The following IMMP2L variants were observed in gnomAD, a reference collection of about 807,000 sequenced individuals.
The protein encoded by IMMP2L is inner mitochondrial membrane peptidase subunit 2.
IMMP2L carries 18 observed loss-of-function variants against 19.3 expected under a neutral mutation model. That is an observed-to-expected ratio of 0.93 (90% CI 0.64 to 1.38). IMMP2L has a LOEUF of 1.38. Ranked by LOEUF, IMMP2L falls within the 40% of genes most tolerant of loss-of-function variation. IMMP2L has a pLI of 0.00. For missense variants in IMMP2L, 233 were observed against 218.2 expected, an observed-to-expected ratio of 1.07 and a Z score of -0.43; for synonymous variants, 76 against 73.0, an observed-to-expected ratio of 1.04 and a Z score of -0.21.
At chr7:111,182,288 T>C (rs1386656028) in intron 3 of IMMP2L, among the ~76,000 whole-genome samples, 1 of 151,954 alleles carries the variant, frequency 6.6e-6, no homozygotes, top group East Asian at 1.9e-4. Flanking sequence ...ACTAAATCCA[T>C]AGCTTGTTTT....
chr7:110,765,147 G>A (rs1197198172), intron 5 of IMMP2L, among the ~76,000 whole-genome samples: 2 of 152,116 alleles, frequency 1.3e-5, no homozygotes, highest in Admixed American at 1.3e-4. Flanking sequence ...AAGATATCTT[G>A]TAGATTTGAA....
intron 3 of IMMP2L, among the ~76,000 whole-genome samples, chr7:111,176,912 T>C (rs1273665037): frequency 6.6e-6 from 1 of 152,032 alleles, no homozygotes. Flanking sequence ...CTACATGTAG[T>C]ATAAGAAAGA....
intron 3 of IMMP2L, among the ~76,000 whole-genome samples, chr7:111,272,939 T>G (rs1448277269): frequency 6.6e-6 from 1 of 151,490 alleles, no homozygotes; most frequent in East Asian, 1.9e-4. Flanking sequence ...GACAATGGAG[T>G]CTTGATAGAG....
rs991096594 is a variant in IMMP2L, at chr7:111,164,474, G to C, written c.240-200909C>G. The stretch of plus-strand genomic sequence containing the variant: ...TTGTGAGGAAGCACTGGGTCACTAG[G>C]GAAGTCACCATAAGCTCAGAGATTG... On this transcript the variant is annotated intron_variant, in intron 3 of 5. Transcript: ENST00000405709. Among the ~76,000 whole-genome samples, 3 of 151,980 alleles carry C rather than the reference G, an allele frequency of 2.0e-5. No individual in the cohort carries two copies. The East Asian group carries it at 5.8e-4, about 29-fold the overall frequency.
intron 3 of IMMP2L, among the ~76,000 whole-genome samples, chr7:111,475,332 G>A (rs547902010): frequency 2.6e-4 from 40 of 151,946 alleles, no homozygotes; most frequent in Non-Finnish European, 4.7e-4. Flanking sequence ...GGTGGGTGTC[G>A]TTTTAAGGCC....
intron 3 of IMMP2L, among the ~76,000 whole-genome samples, chr7:111,063,631 C>T (rs1169675795): frequency 6.6e-6 from 1 of 152,152 alleles, no homozygotes; most frequent in Non-Finnish European, 1.5e-5. Context: ...TTAACAGCAC[C>T]CAAATCATCT....
intron 3 of IMMP2L, among the ~76,000 whole-genome samples, chr7:111,313,709 C>A (rs1823751272): frequency 6.6e-6 from 1 of 152,010 alleles, no homozygotes; most frequent in African/African-American, 2.4e-5. Flanking sequence ...TCAGAGGAAA[C>A]AGACAAAATA....
chr7:110,960,883 A>G (rs2129555260), intron 4 of IMMP2L, among the ~76,000 whole-genome samples: 1 of 152,096 alleles, frequency 6.6e-6, no homozygotes, highest in African/African-American at 2.4e-5. Flanking sequence ...TGATCTGAAC[A>G]GTTATCTCAC....
intron 3 of IMMP2L, among the ~76,000 whole-genome samples, chr7:111,120,876 T>C (rs1471449979): frequency 1.3e-5 from 2 of 152,094 alleles, no homozygotes; most frequent in Non-Finnish European, 2.9e-5. Flanking sequence ...ATCTAACTCA[T>C]TTGGTTGTAA....
intron 3 of IMMP2L, among the ~76,000 whole-genome samples, chr7:111,402,117 T>C (rs1248689804): frequency 3.4e-5 from 4 of 117,832 alleles, no homozygotes; most frequent in African/African-American, 6.1e-5. Context: ...CAAGACCCCA[T>C]CTCAAAAATA....
chr7:111,547,251 C>T (rs1849010194), intron 1 of IMMP2L, among the ~76,000 whole-genome samples: 1 of 152,098 alleles, frequency 6.6e-6, no homozygotes, highest in Admixed American at 6.6e-5. Context: ...GAATAGAATG[C>T]TACAGAAAGG....
intron 3 of IMMP2L, among the ~76,000 whole-genome samples, chr7:111,366,808 ACATT>A (rs930489857): frequency 4.6e-5 from 7 of 152,014 alleles, no homozygotes; most frequent in Admixed American, 1.3e-4. Context: ...TTTCATAAAT[ACATT>A]CATTGTCTCT....
chr7:111,448,978 C>T (rs1402041886), intron 3 of IMMP2L, among the ~76,000 whole-genome samples: 3 of 149,718 alleles, frequency 2.0e-5, no homozygotes, highest in African/African-American at 4.9e-5. Context: ...ATACATTCCT[C>T]GACACATACA....
intron 3 of IMMP2L, among the ~76,000 whole-genome samples, chr7:111,153,914 C>T (rs1301741224): frequency 1.3e-5 from 2 of 152,058 alleles, no homozygotes; most frequent in Non-Finnish European, 2.9e-5. Context: ...TTAGATGAAG[C>T]AGAAACAAAT....
At chr7:111,173,745 T>C (rs1806716443) in intron 3 of IMMP2L, among the ~76,000 whole-genome samples, 1 of 151,710 alleles carries the variant, frequency 6.6e-6, no homozygotes, top group South Asian at 2.1e-4. Flanking sequence ...AAAAACACAC[T>C]AGGGCTAATA....
chr7:110,815,695 G>T (rs1802440277), intron 5 of IMMP2L, among the ~76,000 whole-genome samples: 1 of 152,132 alleles, frequency 6.6e-6, no homozygotes, highest in African/African-American at 2.4e-5. Context: ...TTAGTCTTGG[G>T]AGGGTGTATG....
intron 3 of IMMP2L, among the ~76,000 whole-genome samples, chr7:111,113,645 A>G (rs1372142061): frequency 6.6e-6 from 1 of 152,168 alleles, no homozygotes; most frequent in Non-Finnish European, 1.5e-5. Context: ...AATTGTTTAA[A>G]TTATCTGGAT....
At chr7:110,970,272 C>T (rs1820009168) in intron 3 of IMMP2L, among the ~76,000 whole-genome samples, 1 of 151,952 alleles carries the variant, frequency 6.6e-6, no homozygotes, top group African/African-American at 2.4e-5. Context: ...AATTAATTTC[C>T]AACAGTTTGT....
intron 2 of IMMP2L, among the ~76,000 whole-genome samples, chr7:111,501,117 G>A (rs1029623294): frequency 3.3e-5 from 5 of 152,120 alleles, no homozygotes; most frequent in African/African-American, 1.2e-4. Flanking sequence ...CCAATGCAGA[G>A]AAGTCCTTAA....
Sources: gnomAD v4.1 joint callset for allele counts (sites outside exome capture counted in the v4.1 genomes callset) on GRCh38, gnomAD v4.1.1 for gene constraint, MANE v1.5 for transcripts, NCBI Gene and HGNC (gene_info 2026-07-23, HGNC 2026-07-21) for gene names.